Variants in MCPH1 observed in about 807,000 individuals in gnomAD.
MCPH1 encodes microcephalin.
In MCPH1, 104 loss-of-function variants were observed where a neutral mutation model predicts 84.5. That is an observed-to-expected ratio of 1.23 (90% CI 1.05 to 1.45). MCPH1 has a LOEUF of 1.45. MCPH1 is among the 40% of genes most tolerant of loss of function. The pLI, the probability that MCPH1 is intolerant of heterozygous loss-of-function variation, is 0.00. For synonymous variants in MCPH1, 514 were observed against 366.8 expected (o/e 1.40, Z -4.58); for missense variants, 1,498 against 1,005.7 (o/e 1.49, Z -6.62).
At position 6,423,192 on chromosome 8, in the gene MCPH1, T is replaced by C. The variant is rs1158294588; in HGVS notation, c.234-8307T>C. On this transcript the variant is annotated intron_variant, in intron 3 of 13. Transcript: ENST00000344683. ...TTTTGGCATTTTTCTTTTCTTTTCT[T>C]TTTTTTTTTTTTTTTGAAACTGAGT... 4.3e-5 allele frequency among the ~76,000 whole-genome samples: 6 copies of C among 139,090 alleles called. No individual in the cohort carries two copies. In the East Asian group the frequency reaches 5.9e-4, roughly 14 times the overall value. The allele number at this position is 139,090 out of a possible 152,430, so 91.2% of individuals were successfully genotyped here. A position where few individuals can be genotyped will look rare whatever the true frequency, so the allele number is the denominator to read the frequency against.
intron 12 of MCPH1, among the ~76,000 whole-genome samples, chr8:6,533,437 C>T (rs771714400): frequency 2.6e-5 from 4 of 152,146 alleles, no homozygotes; most frequent in Non-Finnish European, 4.4e-5. Context: ...GTTGCTTAAC[C>T]TTTTGGGACC....
At chr8:6,463,927 A>C (rs1806558375) in intron 9 of MCPH1, among the ~76,000 whole-genome samples, 1 of 152,164 alleles carries the variant, frequency 6.6e-6, no homozygotes, top group East Asian at 1.9e-4. Context: ...CTTTGATTTT[A>C]AATTTAACTT....
rs114379696 is a variant in MCPH1 at position 6,543,488 on chromosome 8, G to A, written c.2214+43559G>A. ...TGAGCAAAACGCACTGACGGGCAAT[G>A]TGCGTGGGTCGTGGGGAGCATCCAG... On this transcript the variant is annotated intron_variant, in intron 12 of 13. Transcript: ENST00000344683. Among the ~76,000 whole-genome samples the A allele has an allele frequency of 7.9e-3, 1,203 of 152,296 alleles. 16 individuals carry two copies. The highest frequency in any genetic ancestry group is 0.027 in the African/African-American group (1,132 of 41,566).
chr8:6,493,325 T>C (rs1810862581), intron 11 of MCPH1, among the ~76,000 whole-genome samples: 1 of 152,188 alleles, frequency 6.6e-6, no homozygotes, highest in Non-Finnish European at 1.5e-5. Context: ...GCAAGGAGAA[T>C]AAATTGAACT....
At chr8:6,499,071 T>TAAAA (rs2129562178) in intron 11 of MCPH1, among the ~76,000 whole-genome samples, 1 of 65,602 alleles carries the variant, frequency 1.5e-5, no homozygotes, top group Non-Finnish European at 4.7e-5. Flanking sequence ...ATAAATTAAA[T>TAAAA]AAATAAATAA....
chr8:6,445,163 A>T lies in MCPH1; in HGVS notation c.1441A>T (p.Ile481Phe), dbSNP rs768776312. 4.3e-6 allele frequency: 7 copies of T among 1,614,214 alleles called. No individual in the cohort carries two copies. Among genetic ancestry groups the T allele is most frequent in the Middle Eastern group, 1.6e-4 (1 of 6,062 alleles). The part of the protein sequence containing the change: ...VDITNFTAKT[I>F]SSPRKTGNGE... The stretch of plus-strand genomic sequence containing the variant: ...CATTACCAATTTCACAGCAAAAACC[A>T]TCTCCAGTCCTCGGAAAACTGGAAA... The change falls in exon 8 of 14, where the codon ATC (isoleucine) becomes TTC (phenylalanine). Residue 481 changes from isoleucine (I) to phenylalanine (F), a missense_variant. Transcript: ENST00000344683.
At chr8:6,528,258 C>G (rs58191715) in intron 12 of MCPH1, among the ~76,000 whole-genome samples, 1,585 of 152,200 alleles carry the variant, frequency 0.01, 28 homozygotes, top group African/African-American at 0.037. Flanking sequence ...GTGCCAAATA[C>G]TAAATGTTAT....
chr8:6,515,619 C>G (rs1816117551), intron 12 of MCPH1, among the ~76,000 whole-genome samples: 1 of 152,070 alleles, frequency 6.6e-6, no homozygotes, highest in Admixed American at 6.5e-5. Context: ...AATTAAAAAC[C>G]CCTGAAAATA....
At chr8:6,601,545 A>ACACACC (rs879589352) in intron 12 of MCPH1, among the ~76,000 whole-genome samples, 13 of 144,346 alleles carry the variant, frequency 9.0e-5, no homozygotes, top group South Asian at 4.6e-4. Context: ...ACACACACAC[A>ACACACC]CCCCTACGCA....
chr8:6,586,304 G>C (rs942162230), intron 12 of MCPH1, among the ~76,000 whole-genome samples: 1 of 152,170 alleles, frequency 6.6e-6, no homozygotes. Flanking sequence ...ATACAGATGG[G>C]ACCAACTAAG....
rs562047750 is a variant in MCPH1 at position 6,517,876 on chromosome 8, T to C, written c.2214+17947T>C. On this transcript the variant is annotated intron_variant, in intron 12 of 13. Transcript: ENST00000344683. ...TTAAGTCTGGAAGGGAATTTAGAAG[T>C]AACAATTGACACCACTTATTTTTCA... 1.5e-3 allele frequency among the ~76,000 whole-genome samples: 229 copies of C among 152,340 alleles called. 1 individual carries two copies. The highest frequency in any genetic ancestry group is 2.4e-3 in the Non-Finnish European group (166 of 68,028).
intron 4 of MCPH1, among the ~76,000 whole-genome samples, chr8:6,435,424 A>G (rs967848860): frequency 2.0e-5 from 3 of 152,182 alleles, no homozygotes; most frequent in Non-Finnish European, 2.9e-5. Context: ...AGGCAGTTTC[A>G]TAGGCAGAGA....
intron 11 of MCPH1, among the ~76,000 whole-genome samples, chr8:6,485,740 C>G (rs963736490): frequency 2.6e-5 from 4 of 152,096 alleles, no homozygotes; most frequent in African/African-American, 9.7e-5. Context: ...GGTGAAATAT[C>G]TGTTTGTGTG....
At chr8:6,632,962 C>G (rs1247035185) in intron 13 of MCPH1, among the ~76,000 whole-genome samples, 1 of 151,532 alleles carries the variant, frequency 6.6e-6, no homozygotes, top group Non-Finnish European at 1.5e-5. Flanking sequence ...TTTTTCTAAT[C>G]CATTAATTTT....
At chr8:6,498,744 C>A (rs1384970720) in intron 11 of MCPH1, among the ~76,000 whole-genome samples, 5 of 152,096 alleles carry the variant, frequency 3.3e-5, no homozygotes, top group Non-Finnish European at 7.4e-5. Flanking sequence ...ATTTTCTGGT[C>A]TAATTATATG....
chr8:6,505,611 C>G (rs1813440398), intron 12 of MCPH1, among the ~76,000 whole-genome samples: 1 of 122,822 alleles, frequency 8.1e-6, no homozygotes, highest in African/African-American at 3.1e-5. Context: ...TATATATATT[C>G]TTTATATATT....
At chr8:6,544,357 G>T (rs1178945101) in intron 12 of MCPH1, among the ~76,000 whole-genome samples, 1 of 152,242 alleles carries the variant, frequency 6.6e-6, no homozygotes, top group East Asian at 1.9e-4. Flanking sequence ...GTTTGACTGT[G>T]CTGGAAAGAG....
intron 12 of MCPH1, among the ~76,000 whole-genome samples, chr8:6,618,221 G>A (rs1352126836): frequency 4.6e-5 from 7 of 151,808 alleles, no homozygotes; most frequent in Non-Finnish European, 1.0e-4. Flanking sequence ...GCTCCTTGGC[G>A]AGAGCCAGTG....
chr8:6,528,781 ATTGT>A (rs1818880187), intron 12 of MCPH1, among the ~76,000 whole-genome samples: 1 of 152,212 alleles, frequency 6.6e-6, no homozygotes, highest in Non-Finnish European at 1.5e-5. Context: ...TGAAAGAATC[ATTGT>A]TTGCTGGTGT....
Sources: gnomAD v4.1 joint callset for allele counts (sites outside exome capture counted in the v4.1 genomes callset) on GRCh38, gnomAD v4.1.1 for gene constraint, MANE v1.5 for transcripts, NCBI Gene and HGNC (gene_info 2026-07-23, HGNC 2026-07-21) for gene names.